SASH1: variants seen among roughly 807,000 people sequenced by gnomAD.
SASH1 encodes the protein SAM and SH3 domain containing 1, also known as SAM and SH3 domain-containing protein 1.
In SASH1, 44 loss-of-function variants were observed where a neutral mutation model predicts 125.2. The observed-to-expected ratio is 0.35, with a 90% CI of 0.28 to 0.45. The LOEUF is 0.45. Ranked by LOEUF, SASH1 falls within the 20% of genes least tolerant of loss-of-function variation. SASH1 has a pLI of 1.00. For synonymous variants in SASH1, 639 were observed against 649.1 expected, an observed-to-expected ratio of 0.98 and a Z score of 0.24; for missense variants, 1,426 against 1,614.5, an observed-to-expected ratio of 0.88 and a Z score of 2.00.
intron 2 of SASH1, among the ~76,000 whole-genome samples, chr6:148,438,716 T>C (rs1209035725): frequency 2.8e-5 from 4 of 140,496 alleles, no homozygotes; most frequent in African/African-American, 2.7e-5. Flanking sequence ...TCTTTTTTTT[T>C]CATTGTGGCA....
At chr6:148,447,405 G>A (rs543404760) in intron 4 of SASH1, among the ~76,000 whole-genome samples, 2 of 152,172 alleles carry the variant, frequency 1.3e-5, no homozygotes, top group Non-Finnish European at 2.9e-5. Flanking sequence ...TCGCTCTCAG[G>A]TATGTTTTAT....
intron 1 of SASH1, among the ~76,000 whole-genome samples, chr6:148,352,700 G>A (rs1038998851): frequency 2.6e-5 from 4 of 152,010 alleles, no homozygotes; most frequent in African/African-American, 9.7e-5. Flanking sequence ...GGCTGGGTAC[G>A]GTGGCTCATG....
intron 7 of SASH1, among the ~76,000 whole-genome samples, chr6:148,486,399 G>C (rs562411950): frequency 6.6e-5 from 10 of 152,314 alleles, no homozygotes; most frequent in African/African-American, 2.4e-4. Flanking sequence ...GGGATTACAG[G>C]TGTGAGCTAC....
rs145183033 is a variant in SASH1, at chr6:148,499,067, T to G, written c.729+11352T>G. Among the ~76,000 whole-genome samples, 421 of 150,292 alleles carry G rather than the reference T, an allele frequency of 2.8e-3. 4 individuals are homozygous for G. The highest frequency in any genetic ancestry group is 9.8e-3 in the African/African-American group (403 of 40,938). On this transcript the variant is annotated intron_variant, in intron 8 of 19. Transcript: ENST00000367467. ...AAAATTCTTTTTTTTGTTTTTTTTTTTTTTTTTGGAGATGGAGTCTCACTC... is the reference window on the plus strand; with the variant it reads ...AAAATTCTTTTTTTTGTTTTTTTTTGTTTTTTTGGAGATGGAGTCTCACTC...
chr6:148,391,476 A>T (rs1360544825), intron 2 of SASH1, among the ~76,000 whole-genome samples: 1 of 151,232 alleles, frequency 6.6e-6, no homozygotes, highest in South Asian at 2.1e-4. Flanking sequence ...CTATATATTT[A>T]AAAAAAACTT....
At chr6:148,348,818 C>T (rs1477191980) in intron 1 of SASH1, among the ~76,000 whole-genome samples, 1 of 152,298 alleles carries the variant, frequency 6.6e-6, no homozygotes, top group Middle Eastern at 3.4e-3. Flanking sequence ...GCGATACTTG[C>T]CCTTGAATTC....
chr6:148,264,003 T>G, the SASH1 span, among the ~76,000 whole-genome samples: 2 of 152,174 alleles, frequency 1.3e-5, no homozygotes, highest in Non-Finnish European at 2.9e-5. Flanking sequence ...TTTTGTTTAT[T>G]GTTACCTGTA....
intron 1 of SASH1, among the ~76,000 whole-genome samples, chr6:148,370,648 C>T (rs926505255): frequency 1.3e-5 from 2 of 152,000 alleles, no homozygotes; most frequent in Non-Finnish European, 2.9e-5. Flanking sequence ...ACAGTGAAAC[C>T]CTGTGTCTAC....
At chr6:148,225,776 A>G in the SASH1 span, among the ~76,000 whole-genome samples, 1 of 152,234 alleles carries the variant, frequency 6.6e-6, no homozygotes, top group Non-Finnish European at 1.5e-5. Flanking sequence ...CAACCCAGTG[A>G]GGCTGTTACT....
At chr6:148,341,672 C>T (rs1051271324), upstream of SASH1, among the ~76,000 whole-genome samples, 6 of 151,600 alleles carry the variant, frequency 4.0e-5, no homozygotes, top group African/African-American at 1.5e-4. Context: ...CAAAACAAAA[C>T]AAAACAAAAC....
At chr6:148,381,617 CTTTTTTTTTTT>C (rs201145545) in intron 1 of SASH1, among the ~76,000 whole-genome samples, 16 of 77,894 alleles carry the variant, frequency 2.1e-4, no homozygotes, top group South Asian at 6.2e-4. Context: ...TTCTTGCTTT[CTTTTTTTTTTT>C]TTTTTTTTTT....
Position 148,534,879 on chromosome 6 carries a change from G to A in SASH1, c.2073G>A (p.Val691=). ...ACAGAGCTGTTCTCTTGACAGCAGT[G>A]GAGCTGTTACAAGAGTATGACAGTA... ...PEHRAVLLTA[V]ELLQEYDSNS... is the part of the protein sequence containing the mutation. Residue 691 remains valine (V), a synonymous_variant, in exon 16 of 20, where the codon GTG becomes GTA. Coordinates refer to ENST00000367467, the MANE Select transcript of SASH1 (RefSeq NM_015278.5). 1.2e-6 allele frequency: 2 copies of A among 1,614,232 alleles called. No individual in the cohort carries two copies. The highest frequency in any genetic ancestry group is 1.7e-6 in the Non-Finnish European group (2 of 1,180,038).
Position 148,312,518 on chromosome 6 carries a change from C to T in SASH1, n.74+40141C>T, listed in dbSNP as rs572442453. ...AGTGAGATCCTGCTATTAATAACAA[C>T]AACAACAACCAAAAAGCATGAAGGC... On this transcript the variant is annotated intron_variant and non_coding_transcript_variant, in intron 1 of 3. Transcript: ENST00000367469. 2.6e-5 allele frequency among the ~76,000 whole-genome samples: 4 copies of T among 152,198 alleles called. No homozygotes were observed. The South Asian group carries it at 8.3e-4, about 32-fold the overall frequency.
At chr6:148,227,606 C>T in the SASH1 span, among the ~76,000 whole-genome samples, 1 of 152,202 alleles carries the variant, frequency 6.6e-6, no homozygotes, top group Non-Finnish European at 1.5e-5. Context: ...GATTTGCCTG[C>T]TTTGGCCTCC....
At chr6:148,233,107 G>T in the SASH1 span, among the ~76,000 whole-genome samples, 1 of 151,742 alleles carries the variant, frequency 6.6e-6, no homozygotes, top group Admixed American at 6.6e-5. Context: ...CCAGATACTC[G>T]GGAGGCTGAG....
chr6:148,508,910 A>T, intron 8 of SASH1: 2 of 1,200,354 alleles, frequency 1.7e-6, no homozygotes, highest in Non-Finnish European at 2.2e-6. Context: ...TGGGAAAGAA[A>T]GAATGTGTTT....
intron 1 of SASH1, among the ~76,000 whole-genome samples, chr6:148,286,400 C>CA (rs542230449): frequency 0.048 from 5,586 of 115,484 alleles, 188 homozygotes; most frequent in Admixed American, 0.12. Flanking sequence ...GACTCCATCT[C>CA]AAAAAAAAAA....
intron 2 of SASH1, among the ~76,000 whole-genome samples, chr6:148,423,918 T>C (rs1775687039): frequency 6.6e-6 from 1 of 151,886 alleles, no homozygotes; most frequent in Admixed American, 6.6e-5. Context: ...CGATAAATTA[T>C]ACCACAATAA....
chr6:148,531,669 G>A lies in SASH1; in HGVS notation c.1564+8G>A, dbSNP rs574404429. On this transcript the variant is annotated splice_region_variant and intron_variant, in intron 13 of 19. Transcript: ENST00000367467. The stretch of plus-strand genomic sequence containing the variant: ...GTGGGCAGAGCTCCATGAGTAAGTC[G>A]AGTTTGTCATTGTAGATTATTTTCT... 14 of 1,501,814 alleles carry A rather than the reference G, an allele frequency of 9.3e-6. No homozygotes were observed. The highest frequency in any genetic ancestry group is 5.7e-5 in the African/African-American group (4 of 70,074). The allele number at this position is 1,501,814 out of a possible 1,614,324, so 93.0% of individuals were successfully genotyped here.
Sources: gnomAD v4.1 joint callset for allele counts (sites outside exome capture counted in the v4.1 genomes callset) on GRCh38, gnomAD v4.1.1 for gene constraint, MANE v1.5 for transcripts, NCBI Gene and HGNC (gene_info 2026-07-23, HGNC 2026-07-21) for gene names.